The following ZPBP variants were observed in gnomAD, a reference collection of about 807,000 sequenced individuals.
ZPBP encodes zona pellucida binding protein, also known as zona pellucida-binding protein 1.
A neutral mutation model predicts 44.8 loss-of-function variants in ZPBP; 26 were observed. The observed-to-expected ratio is 0.58, with a 90% confidence interval of 0.43 to 0.81. ZPBP has a LOEUF of 0.81. ZPBP is among the 30% of genes least tolerant of loss of function. ZPBP has a pLI of 0.00. For synonymous variants in ZPBP, 174 were observed against 153.2 expected (o/e 1.14, Z -1.00); for missense variants, 409 against 434.0 (o/e 0.94, Z 0.51).
chr7:50,023,748 T>C (rs1799200076), intron 5 of ZPBP, among the ~76,000 whole-genome samples: 1 of 151,960 alleles, frequency 6.6e-6, no homozygotes, highest in Admixed American at 6.6e-5. Context: ...AGAGTTCTAA[T>C]GGAAAAAATG....
At chr7:49,912,479 A>G (rs1471687384) in intron 1 of ZPBP, 1 of 223,936 alleles carries the variant, frequency 4.5e-6, no homozygotes, top group Admixed American at 5.4e-5. Flanking sequence ...TAATCCCTCC[A>G]TTAGAGAGCT....
rs1800128308 is a variant in ZPBP at position 50,042,223 on chromosome 7, G to C, written c.488-10913C>G. 3.9e-5 allele frequency among the ~76,000 whole-genome samples: 6 copies of C among 152,276 alleles called. No homozygotes were observed. In the South Asian group the frequency reaches 1.2e-3, roughly 32 times the overall value. ...TTGGTGTATCTAAAAGTGACGAGGA[G>C]AATGGAATCAAGTTGGAAAACACTC... On this transcript the variant is annotated intron_variant, in intron 4 of 7. Transcript: ENST00000046087.
At chr7:50,064,089 G>C (rs1459651253) in intron 3 of ZPBP, among the ~76,000 whole-genome samples, 1 of 152,158 alleles carries the variant, frequency 6.6e-6, no homozygotes, top group Non-Finnish European at 1.5e-5. Context: ...CAGCCAGCTT[G>C]AGAAATAAAG....
intron 6 of ZPBP, among the ~76,000 whole-genome samples, chr7:49,996,441 A>C (rs1352465814): frequency 1.3e-5 from 2 of 152,196 alleles, no homozygotes; most frequent in Non-Finnish European, 2.9e-5. Context: ...TCTTGGAATC[A>C]ATGTCAGTTC....
intron 2 of ZPBP, among the ~76,000 whole-genome samples, chr7:49,853,904 C>T (rs983511754): frequency 2.7e-5 from 4 of 145,654 alleles, no homozygotes; most frequent in Non-Finnish European, 4.5e-5. Flanking sequence ...GTGATGTTCC[C>T]CTTCCTGTGT....
intron 3 of ZPBP, among the ~76,000 whole-genome samples, chr7:50,060,457 C>G (rs1178689115): frequency 1.3e-5 from 2 of 152,090 alleles, no homozygotes; most frequent in Admixed American, 1.3e-4. Context: ...CAAATAAACA[C>G]CATCAGAAAT....
intron 7 of ZPBP, among the ~76,000 whole-genome samples, chr7:49,962,771 T>C (rs1348897661): frequency 1.3e-5 from 2 of 151,848 alleles, no homozygotes; most frequent in Admixed American, 6.6e-5. Flanking sequence ...TCACTGAGTT[T>C]AGCAAGGCCA....
intron 2 of ZPBP, among the ~76,000 whole-genome samples, chr7:49,893,445 A>C (rs692201): frequency 0.77 from 117,015 of 152,096 alleles, 45,212 homozygotes; most frequent in East Asian, 0.89. Context: ...ACAAAATTTG[A>C]TTTTTTTCGT....
At chr7:49,882,864 TTTGTTG>T (rs201572339) in intron 2 of ZPBP, among the ~76,000 whole-genome samples, 6 of 151,902 alleles carry the variant, frequency 3.9e-5, no homozygotes, top group Admixed American at 6.6e-5. Context: ...TTTTTTTGTT[TTTGTTG>T]TTGTTGTTGT....
At chr7:49,980,137 A>C (rs13240392) in intron 7 of ZPBP, among the ~76,000 whole-genome samples, 3 of 109,582 alleles carry the variant, frequency 2.7e-5, no homozygotes, top group Non-Finnish European at 3.3e-5. Flanking sequence ...ATTATATATT[A>C]TATTTATATT....
chr7:49,927,213 A>G (rs1465655986), intron 1 of ZPBP, among the ~76,000 whole-genome samples: 1 of 152,140 alleles, frequency 6.6e-6, no homozygotes. Flanking sequence ...TTTCCCCTTC[A>G]TGGTTAGGAT....
At chr7:50,092,572 T>C (rs1803046988) in intron 1 of ZPBP, among the ~76,000 whole-genome samples, 1 of 152,232 alleles carries the variant, frequency 6.6e-6, no homozygotes, top group Admixed American at 6.5e-5. Flanking sequence ...GTATCTTACA[T>C]GTATTTTTAA....
At chr7:50,082,382 T>G (rs977745137) in intron 2 of ZPBP, among the ~76,000 whole-genome samples, 2 of 151,916 alleles carry the variant, frequency 1.3e-5, no homozygotes, top group African/African-American at 4.8e-5. Flanking sequence ...GTTAGCAAAT[T>G]TATGCTTTTA....
At chr7:49,994,917 A>T (rs1797752698) in intron 6 of ZPBP, among the ~76,000 whole-genome samples, 1 of 151,904 alleles carries the variant, frequency 6.6e-6, no homozygotes, top group Non-Finnish European at 1.5e-5. Context: ...CACCCAAATG[A>T]GGAATATGTT....
At chr7:50,086,151 A>G (rs1436097065) in intron 2 of ZPBP, among the ~76,000 whole-genome samples, 2 of 152,140 alleles carry the variant, frequency 1.3e-5, no homozygotes, top group East Asian at 1.9e-4. Flanking sequence ...TAAAGAATAC[A>G]TAACTTACAC....
chr7:50,000,463 T>C (rs1005312449), intron 6 of ZPBP, among the ~76,000 whole-genome samples: 3 of 152,150 alleles, frequency 2.0e-5, no homozygotes, highest in Non-Finnish European at 1.5e-5. Flanking sequence ...AGATCTGCAA[T>C]TAAAAGTATC....
intron 4 of ZPBP, among the ~76,000 whole-genome samples, chr7:50,056,915 G>T (rs529804206): frequency 1.3e-5 from 2 of 152,276 alleles, no homozygotes; most frequent in East Asian, 3.9e-4. Context: ...GCTAGGTGTG[G>T]TGGCTCATGC....
At chr7:49,883,310 C>T (rs962102563) in intron 2 of ZPBP, among the ~76,000 whole-genome samples, 4 of 151,550 alleles carry the variant, frequency 2.6e-5, no homozygotes, top group African/African-American at 4.9e-5. Flanking sequence ...CAAACCAGGC[C>T]GAGTTAGCAA....
At chr7:49,908,607 G>T (rs1793232912) in intron 1 of ZPBP, among the ~76,000 whole-genome samples, 1 of 152,032 alleles carries the variant, frequency 6.6e-6, no homozygotes, top group African/African-American at 2.4e-5. Context: ...CACCAAGAAG[G>T]CCTAGAAGGG....
Sources: gnomAD v4.1 joint callset for allele counts (sites outside exome capture counted in the v4.1 genomes callset) on GRCh38, gnomAD v4.1.1 for gene constraint, MANE v1.5 for transcripts, NCBI Gene and HGNC (gene_info 2026-07-23, HGNC 2026-07-21) for gene names.